CCDC91: variants seen among roughly 807,000 people sequenced by gnomAD.
CCDC91 encodes the protein coiled-coil domain-containing protein 91.
A neutral mutation model predicts 63.2 loss-of-function variants in CCDC91; 48 were observed. That is an observed-to-expected ratio of 0.76 (90% CI 0.60 to 0.97). CCDC91 has a LOEUF of 0.97. Ranked by LOEUF, CCDC91 falls within the 50% of genes least tolerant of loss-of-function variation. CCDC91 has a pLI of 0.00. For synonymous variants in CCDC91, 167 were observed against 165.8 expected, an observed-to-expected ratio of 1.01 and a Z score of -0.06; for missense variants, 500 against 494.6, an observed-to-expected ratio of 1.01 and a Z score of -0.10.
intron 1 of CCDC91, among the ~76,000 whole-genome samples, chr12:28,254,948 T>G (rs906830431): frequency 6.6e-6 from 1 of 152,050 alleles, no homozygotes; most frequent in African/African-American, 2.4e-5. Flanking sequence ...ATTTTTTGTA[T>G]TTTTAGTAGA....
intron 12 of CCDC91, among the ~76,000 whole-genome samples, chr12:28,534,648 C>G (rs1942009192): frequency 6.6e-6 from 1 of 152,172 alleles, no homozygotes; most frequent in Non-Finnish European, 1.5e-5. Flanking sequence ...AAGCAAGACT[C>G]AAACATGTCT....
chr12:28,403,851 C>A (rs958849986), intron 8 of CCDC91, among the ~76,000 whole-genome samples: 2 of 152,022 alleles, frequency 1.3e-5, no homozygotes, highest in African/African-American at 4.8e-5. Context: ...TTTTAATGTT[C>A]ATGGGATCTG....
intron 3 of CCDC91, among the ~76,000 whole-genome samples, chr12:28,264,611 G>GTGTGTGTGTGTA (rs1244356567): frequency 5.3e-5 from 8 of 150,756 alleles, no homozygotes; most frequent in African/African-American, 1.9e-4. Context: ...GTGTGTGTGT[G>GTGTGTGTGTGTA]TGTGTGTGTA....
intron 12 of CCDC91, among the ~76,000 whole-genome samples, chr12:28,510,631 C>T (rs539923140): frequency 1.4e-3 from 217 of 151,932 alleles, no homozygotes; most frequent in Non-Finnish European, 2.5e-3. Flanking sequence ...CTTACAGACA[C>T]GCCCAGAATA....
intron 1 of CCDC91, among the ~76,000 whole-genome samples, chr12:28,255,367 C>T (rs771131294): frequency 6.6e-6 from 1 of 152,070 alleles, no homozygotes; most frequent in African/African-American, 2.4e-5. Context: ...TTTGTTTCTT[C>T]AGATTCATGG....
At chr12:28,482,034 C>CT (rs1951474608) in intron 11 of CCDC91, among the ~76,000 whole-genome samples, 1 of 151,888 alleles carries the variant, frequency 6.6e-6, no homozygotes, top group African/African-American at 2.4e-5. Context: ...GCCCTGAAAA[C>CT]TAAGGATTTT....
intron 6 of CCDC91, among the ~76,000 whole-genome samples, chr12:28,337,196 A>G (rs1942049618): frequency 6.6e-6 from 1 of 152,118 alleles, no homozygotes; most frequent in Non-Finnish European, 1.5e-5. Flanking sequence ...TTCCTAGGAG[A>G]TAAGTTATCT....
intron 11 of CCDC91, among the ~76,000 whole-genome samples, chr12:28,459,027 C>T (rs1251890731): frequency 6.6e-6 from 1 of 152,124 alleles, no homozygotes; most frequent in Non-Finnish European, 1.5e-5. Flanking sequence ...CTTTACCTGT[C>T]TAGCTCGTCT....
intron 6 of CCDC91, among the ~76,000 whole-genome samples, chr12:28,332,563 A>G (rs1264749611): frequency 6.6e-6 from 1 of 152,232 alleles, no homozygotes; most frequent in Non-Finnish European, 1.5e-5. Context: ...CAAACTACTT[A>G]TCTTGACTTT....
intron 12 of CCDC91, among the ~76,000 whole-genome samples, chr12:28,513,744 A>C (rs2141313866): frequency 6.6e-6 from 1 of 151,938 alleles, no homozygotes; most frequent in South Asian, 2.1e-4. Flanking sequence ...TTAGTTTGTT[A>C]AAGATAATGG....
At chr12:28,376,642 A>G (rs1385797636) in intron 7 of CCDC91, among the ~76,000 whole-genome samples, 2 of 151,872 alleles carry the variant, frequency 1.3e-5, no homozygotes, top group Non-Finnish European at 3.0e-5. Flanking sequence ...GTAACATTAT[A>G]GCTTAAGGAA....
chr12:28,363,364 T>G (rs1393468761), intron 7 of CCDC91, among the ~76,000 whole-genome samples: 2 of 152,192 alleles, frequency 1.3e-5, no homozygotes, highest in African/African-American at 2.4e-5. Context: ...CTTTTCCTAT[T>G]TTTGTTACTC....
chr12:28,516,835 C>T (rs1940001769), intron 12 of CCDC91, among the ~76,000 whole-genome samples: 1 of 151,866 alleles, frequency 6.6e-6, no homozygotes, highest in Non-Finnish European at 1.5e-5. Context: ...TATCCCTTCA[C>T]AAGGGCAGAG....
intron 8 of CCDC91, among the ~76,000 whole-genome samples, chr12:28,406,412 C>A (rs1225314989): frequency 6.6e-6 from 1 of 152,040 alleles, no homozygotes; most frequent in East Asian, 1.9e-4. Context: ...TGATCAAATA[C>A]CTAGCTAGGT....
intron 12 of CCDC91, among the ~76,000 whole-genome samples, chr12:28,515,389 A>G (rs1391416514): frequency 6.6e-6 from 1 of 151,848 alleles, no homozygotes; most frequent in Non-Finnish European, 1.5e-5. Flanking sequence ...ATCTTGTAAA[A>G]TGGCCTCAAG....
chr12:28,366,777 G>C (rs1944301741), intron 7 of CCDC91, among the ~76,000 whole-genome samples: 1 of 152,122 alleles, frequency 6.6e-6, no homozygotes, highest in Non-Finnish European at 1.5e-5. Context: ...CCACTCCTCT[G>C]TGGTTTCAGT....
intron 8 of CCDC91, among the ~76,000 whole-genome samples, chr12:28,401,228 C>T (rs775430417): frequency 3.9e-5 from 6 of 152,052 alleles, no homozygotes; most frequent in Non-Finnish European, 5.9e-5. Context: ...AGCACGATTG[C>T]GGAGGCCTCA....
chr12:28,355,574 T>C (rs907613911), intron 6 of CCDC91, among the ~76,000 whole-genome samples: 1 of 152,192 alleles, frequency 6.6e-6, no homozygotes, highest in African/African-American at 2.4e-5. Context: ...CCGCTTTGGC[T>C]CACCACCAAT....
At chr12:28,433,927 G>A (rs1268740212) in intron 8 of CCDC91, among the ~76,000 whole-genome samples, 1 of 151,794 alleles carries the variant, frequency 6.6e-6, no homozygotes, top group East Asian at 1.9e-4. Context: ...TGGTAGATTG[G>A]TAATTACTAT....
Sources: allele counts gnomAD v4.1 joint callset (sites outside exome capture counted in the v4.1 genomes callset), GRCh38; gene constraint gnomAD v4.1.1; transcripts MANE v1.5; gene names NCBI Gene and HGNC (gene_info 2026-07-23, HGNC 2026-07-21).